The following ANKRD30A variants were observed in gnomAD, a reference collection of about 807,000 sequenced individuals.
ANKRD30A encodes ankyrin repeat domain-containing protein 30A.
ANKRD30A carries 170 observed loss-of-function variants against 166.3 expected under a neutral mutation model. The observed-to-expected ratio is 1.02, with a 90% CI of 0.90 to 1.16. ANKRD30A has a LOEUF of 1.16. ANKRD30A is among the 50% of genes most tolerant of loss of function. The probability of loss-of-function intolerance (pLI) is 0.00; values close to 1 mark genes in which losing one functional copy is unlikely to be tolerated. For synonymous variants in ANKRD30A, 564 were observed against 508.9 expected, an observed-to-expected ratio of 1.11 and a Z score of -1.46; for missense variants, 1,630 against 1,518.0, an observed-to-expected ratio of 1.07 and a Z score of -1.23.
the ANKRD30A span, among the ~76,000 whole-genome samples, chr10:37,238,228 G>T: frequency 6.6e-6 from 1 of 152,146 alleles, no homozygotes; most frequent in Non-Finnish European, 1.5e-5. Context: ...TCTTTGTGGG[G>T]TAAAGTGTTC....
intron 34 of ANKRD30A, 76 bp downstream of exon 34, chr10:37,219,973 T>C (rs1842811023): frequency 1.1e-6 from 1 of 872,748 alleles, no homozygotes; most frequent in African/African-American, 2.0e-5. Flanking sequence ...CTTGGCTAAA[T>C]GCTGAATCTA....
intron 13 of ANKRD30A, among the ~76,000 whole-genome samples, chr10:37,154,131 C>T (rs759096115): frequency 2.0e-5 from 3 of 152,134 alleles, no homozygotes; most frequent in Non-Finnish European, 2.9e-5. Context: ...TATTCTGACT[C>T]TTAATGTCTT....
At chr10:37,240,179 A>G in the ANKRD30A span, among the ~76,000 whole-genome samples, 1 of 152,130 alleles carries the variant, frequency 6.6e-6, no homozygotes, top group Non-Finnish European at 1.5e-5. Context: ...CATAATTAAG[A>G]GTATATTTAT....
chr10:37,230,738 T>C (rs923385122), intron 34 of ANKRD30A, among the ~76,000 whole-genome samples: 1 of 152,062 alleles, frequency 6.6e-6, no homozygotes, highest in African/African-American at 2.4e-5. Context: ...CCCTGTATAG[T>C]TTTTTTCATT....
the ANKRD30A span, among the ~76,000 whole-genome samples, chr10:37,240,131 T>C: frequency 1.3e-5 from 2 of 152,146 alleles, no homozygotes; most frequent in African/African-American, 4.8e-5. Flanking sequence ...GCTAATTATT[T>C]TTGTACACAT....
intron 25 of ANKRD30A, 71 bp from the exon 26 acceptor site, chr10:37,192,993 C>T (rs1232021774): frequency 1.4e-5 from 21 of 1,499,188 alleles, no homozygotes; most frequent in Middle Eastern, 2.4e-4. Context: ...TTCATGTTGA[C>T]AGTGCGTGAA....
intron 21 of ANKRD30A, among the ~76,000 whole-genome samples, chr10:37,172,068 G>A (rs1176949419): frequency 1.4e-5 from 2 of 140,962 alleles, no homozygotes; most frequent in Non-Finnish European, 3.1e-5. Flanking sequence ...AATGGTGACC[G>A]GGTGCGGTGG....
intron 5 of ANKRD30A, among the ~76,000 whole-genome samples, chr10:37,134,966 T>C (rs1836591736): frequency 6.6e-6 from 1 of 152,218 alleles, no homozygotes; most frequent in Non-Finnish European, 1.5e-5. Context: ...GCAGAAGGTC[T>C]TATCTTATTC....
intron 25 of ANKRD30A, among the ~76,000 whole-genome samples, chr10:37,190,138 G>A (rs1424391098): frequency 1.3e-5 from 2 of 151,856 alleles, no homozygotes; most frequent in African/African-American, 4.8e-5. Context: ...GGCCACACAT[G>A]TATATAAATT....
At chr10:37,195,979 A>C (rs1401069407) in intron 27 of ANKRD30A, among the ~76,000 whole-genome samples, 16 of 152,166 alleles carry the variant, frequency 1.1e-4, no homozygotes, top group African/African-American at 3.9e-4. Flanking sequence ...AACAGAAATT[A>C]TAGATTTAAG....
At chr10:37,183,799 A>G (rs71493766) in intron 24 of ANKRD30A, among the ~76,000 whole-genome samples, 8,932 of 91,256 alleles carry the variant, frequency 0.098, 75 homozygotes, top group African/African-American at 0.16. Context: ...ACCTAATATA[A>G]TTGTCAACCA....
At chr10:37,210,805 G>C (rs1468115722) in intron 31 of ANKRD30A, among the ~76,000 whole-genome samples, 1 of 152,114 alleles carries the variant, frequency 6.6e-6, no homozygotes, top group Admixed American at 6.6e-5. Flanking sequence ...CTCACTTTAT[G>C]ATGGGGTTGT....
intron 29 of ANKRD30A, among the ~76,000 whole-genome samples, chr10:37,199,397 A>C (rs1422816304): frequency 2.0e-5 from 3 of 152,112 alleles, no homozygotes; most frequent in Admixed American, 2.0e-4. Flanking sequence ...ATGGTAGGTA[A>C]TTAAAGTTTT....
the ANKRD30A span, among the ~76,000 whole-genome samples, chr10:37,254,684 T>TTC: frequency 6.7e-5 from 9 of 134,396 alleles, no homozygotes; most frequent in African/African-American, 2.2e-4. Context: ...TTTTCTTTTC[T>TTC]TTTTTTTTTT....
intron 31 of ANKRD30A, among the ~76,000 whole-genome samples, chr10:37,201,568 G>A (rs747633461): frequency 5.9e-5 from 9 of 152,074 alleles, no homozygotes; most frequent in Middle Eastern, 3.4e-3. Context: ...TGAGGACAAT[G>A]AGAAAATAAG....
chr10:37,215,659 C>T (rs1167656085), intron 31 of ANKRD30A, among the ~76,000 whole-genome samples: 5 of 151,474 alleles, frequency 3.3e-5, no homozygotes, highest in Middle Eastern at 3.4e-3. Context: ...TCTTCTTTGC[C>T]TAATGTCCAC....
chr10:37,197,334 T>C (rs1309991957), intron 28 of ANKRD30A, 25 bp downstream of exon 28: 3 of 1,613,282 alleles, frequency 1.9e-6, no homozygotes, highest in Non-Finnish European at 2.5e-6. Flanking sequence ...GATTTCATTT[T>C]GAATGACTTA....
At chr10:37,160,812 T>G (rs1187326950) in intron 15 of ANKRD30A, among the ~76,000 whole-genome samples, 2 of 152,144 alleles carry the variant, frequency 1.3e-5, no homozygotes, top group African/African-American at 4.8e-5. Context: ...TCTCCACGGC[T>G]TCACATGCTA....
chr10:37,165,280 C>A, intron 18 of ANKRD30A, 125 bp downstream of exon 18: 1 of 911,456 alleles, frequency 1.1e-6, no homozygotes, highest in Non-Finnish European at 1.7e-6. Flanking sequence ...TGATGTTTTT[C>A]AGTATATGCT....
Sources: allele counts gnomAD v4.1 joint callset (sites outside exome capture counted in the v4.1 genomes callset), GRCh38; gene constraint gnomAD v4.1.1; transcripts MANE v1.5; gene names NCBI Gene and HGNC (gene_info 2026-07-23, HGNC 2026-07-21).